Variants in ADI1 observed in about 807,000 individuals in gnomAD.
ADI1 encodes acireductone dioxygenase 1, also known as acireductone dioxygenase.
In ADI1, 21 loss-of-function variants were observed where a neutral mutation model predicts 18.7. That is an observed-to-expected ratio of 1.13 (90% CI 0.80 to 1.62). The LOEUF is 1.62. Ranked by LOEUF, ADI1 falls within the 40% of genes most tolerant of loss-of-function variation. The pLI is 0.00. For missense variants in ADI1, 245 were observed against 254.9 expected (o/e 0.96, Z 0.26); for synonymous variants, 90 against 100.1 (o/e 0.90, Z 0.60).
At chr2:3,518,974 G>A (rs1477627883) in intron 1 of ADI1, among the ~76,000 whole-genome samples, 7 of 147,786 alleles carry the variant, frequency 4.7e-5, no homozygotes, top group Non-Finnish European at 6.0e-5. Flanking sequence ...CAACAGAAAC[G>A]GACCGCCGAC....
In ADI1 at chr2:3,513,854, T is replaced by A; in HGVS notation, c.240+3A>T. Reference sequence around the variant, plus strand: ...TTTTCCAGGTAATCCAGGGCTCCCTTACCTTTTCTTCATAATTTGGTAGTT... The same window carrying A: ...TTTTCCAGGTAATCCAGGGCTCCCTAACCTTTTCTTCATAATTTGGTAGTT... On this transcript the variant is annotated splice_donor_region_variant and intron_variant, in intron 2 of 3. Coordinates refer to ENST00000327435, the MANE Select transcript of ADI1 (RefSeq NM_018269.4). The A allele has an allele frequency of 6.3e-7, 1 of 1,597,950 alleles. No individual in the cohort carries two copies. The highest frequency in any genetic ancestry group is 8.5e-7 in the Non-Finnish European group (1 of 1,176,200).
rs182526371 is a variant in ADI1 at position 3,497,760 on chromosome 2, G to A, written c.*1203C>T. The A allele has an allele frequency of 5.3e-5, 8 of 152,300 alleles. No homozygotes were observed. The highest frequency in any genetic ancestry group is 1.7e-4 in the African/African-American group (7 of 41,564). 9.4% of individuals were successfully genotyped at this position (152,300 alleles called of 1,614,324 possible). A position where few individuals can be genotyped will look rare whatever the true frequency, so the allele number is the denominator to read the frequency against. The stretch of plus-strand genomic sequence containing the variant: ...CTAGAGTCCGCAGGAGGCCAGCCCC[G>A]CACGAGGAGTTTCAAACACTAAGGA... On this transcript the variant is annotated 3_prime_UTR_variant, in exon 4 of 4. Coordinates refer to ENST00000327435, the MANE Select transcript of ADI1 (RefSeq NM_018269.4).
intron 2 of ADI1, among the ~76,000 whole-genome samples, chr2:3,510,688 G>A (rs748633026): frequency 4.1e-4 from 62 of 152,102 alleles, no homozygotes; most frequent in Non-Finnish European, 8.2e-4. Flanking sequence ...CAACTCAAAT[G>A]AAATGGACAA....
At chr2:3,508,581 A>T (rs757786111) in intron 2 of ADI1, among the ~76,000 whole-genome samples, 13 of 152,166 alleles carry the variant, frequency 8.5e-5, no homozygotes, top group Non-Finnish European at 1.2e-4. Context: ...AAATGAATGG[A>T]GAAAGATATA....
chr2:3,500,499 G>GCGACAA, intron 3 of ADI1: 1 of 491,078 alleles, frequency 2.0e-6, no homozygotes, highest in Non-Finnish European at 3.7e-6. Context: ...AAGGGCTGGG[G>GCGACAA]CAGGGCCAGG....
intron 2 of ADI1, among the ~76,000 whole-genome samples, chr2:3,511,409 GCT>G (rs930071393): frequency 6.7e-6 from 1 of 148,484 alleles, no homozygotes; most frequent in African/African-American, 2.5e-5. Context: ...GTGGCACCTT[GCT>G]CTCTCTTTCA....
intron 2 of ADI1, among the ~76,000 whole-genome samples, chr2:3,509,123 A>T (rs981599851): frequency 3.3e-5 from 5 of 152,326 alleles, no homozygotes; most frequent in Admixed American, 2.6e-4. Flanking sequence ...TCAATCTTCC[A>T]AGGGAACATA....
chr2:3,506,244 G>T (rs1465192390), intron 2 of ADI1, among the ~76,000 whole-genome samples: 3 of 152,152 alleles, frequency 2.0e-5, no homozygotes, highest in Non-Finnish European at 4.4e-5. Flanking sequence ...TGATTAGAAA[G>T]GAAGAAATAA....
At chr2:3,499,571 C>T (rs1666948064) in intron 3 of ADI1, among the ~76,000 whole-genome samples, 1 of 152,190 alleles carries the variant, frequency 6.6e-6, no homozygotes, top group Non-Finnish European at 1.5e-5. Flanking sequence ...GAAAAACACA[C>T]AGAAGTGCAA....
At chr2:3,502,798 C>T (rs1162515931) in intron 2 of ADI1, among the ~76,000 whole-genome samples, 1 of 152,130 alleles carries the variant, frequency 6.6e-6, no homozygotes, top group African/African-American at 2.4e-5. Flanking sequence ...CATCCTCAGG[C>T]TAAGACAGAA....
rs1666933707 is a variant in ADI1, at chr2:3,499,078, T to A, written c.425A>T (p.Tyr142Phe). The A allele has an allele frequency of 6.2e-7, 1 of 1,613,534 alleles. No homozygotes were observed. Among genetic ancestry groups the A allele is most frequent in the Non-Finnish European group, 8.5e-7 (1 of 1,179,452 alleles). The part of the protein sequence containing the change: ...YHRFTVDEKN[Y>F]TKAMRLFVGE... ...CACAAACAGCCGCATGGCCTTCGTG[T>A]AGTTCTGGAAAACAGACAAACACAC... is the stretch of plus-strand genomic sequence containing the variant. The change falls in exon 4 of 4, where the codon TAC becomes TTC. Residue 142 changes from tyrosine (Y) to phenylalanine (F), a missense_variant. Physicochemically the swap from Tyr to Phe is conservative, Grantham distance 22 (BLOSUM62 3). Coordinates refer to ENST00000327435, the MANE Select transcript of ADI1 (RefSeq NM_018269.4).
intron 1 of ADI1, 137 bp from the exon 2 acceptor site, chr2:3,514,113 T>G: frequency 5.8e-6 from 6 of 1,035,196 alleles, no homozygotes; most frequent in Non-Finnish European, 8.1e-6. Context: ...ACTAACTCTC[T>G]TCATCTCCTC....
At chr2:3,514,110 C>T (rs367820970) in intron 1 of ADI1, 134 bp from the exon 2 acceptor site, 7 of 1,049,640 alleles carry the variant, frequency 6.7e-6, no homozygotes, top group Non-Finnish European at 9.3e-6. Context: ...TCAACTAACT[C>T]TCTTCATCTC....
intron 3 of ADI1, among the ~76,000 whole-genome samples, chr2:3,500,434 C>G (rs984448252): frequency 2.0e-5 from 3 of 152,276 alleles, no homozygotes; most frequent in Non-Finnish European, 4.4e-5. Flanking sequence ...CTACAGGCGC[C>G]TCACCACCAA....
chr2:3,517,449 G>A (rs1193796174), intron 1 of ADI1: 1 of 152,164 alleles, frequency 6.6e-6, no homozygotes, highest in Admixed American at 6.5e-5. Flanking sequence ...TCTTCCAACA[G>A]CACTGATCCA....
chr2:3,500,777 A>G (rs116562960), intron 3 of ADI1, 37 bp downstream of exon 3: 22,246 of 1,611,834 alleles, frequency 0.014, 430 homozygotes, highest in South Asian at 0.069. Context: ...GGGCCACCAC[A>G]CAGGCCGGGC....
chr2:3,518,410 G>T (rs1041559035), intron 1 of ADI1, among the ~76,000 whole-genome samples: 1 of 152,156 alleles, frequency 6.6e-6, no homozygotes, highest in African/African-American at 2.4e-5. Flanking sequence ...GGCCTACCCT[G>T]GCCCTCTCTT....
chr2:3,514,559 A>G (rs1188914558), intron 1 of ADI1, among the ~76,000 whole-genome samples: 1 of 152,214 alleles, frequency 6.6e-6, no homozygotes, highest in Admixed American at 6.5e-5. Context: ...TCTTAAAAAT[A>G]TTTGATATTT....
chr2:3,515,910 T>A, intron 1 of ADI1: 1 of 985,430 alleles, frequency 1.0e-6, no homozygotes, highest in East Asian at 1.1e-4. Context: ...CTCCAGAACA[T>A]ATTAAAGTAC....
Sources: gnomAD v4.1 joint callset for allele counts (sites outside exome capture counted in the v4.1 genomes callset) on GRCh38, gnomAD v4.1.1 for gene constraint, MANE v1.5 for transcripts, NCBI Gene and HGNC (gene_info 2026-07-23, HGNC 2026-07-21) for gene names.